Variants in LRRC37A2 observed in about 807,000 individuals in gnomAD.
LRRC37A2 encodes leucine rich repeat containing 37 member A2.
In LRRC37A2, 9 loss-of-function variants were observed where a neutral mutation model predicts 68.8. That is an observed-to-expected ratio of 0.13 (90% CI 0.08 to 0.23). The LOEUF is 0.23. Ranked by LOEUF, LRRC37A2 falls within the 10% of genes least tolerant of loss-of-function variation. LRRC37A2 has a pLI of 1.00. For missense variants in LRRC37A2, 168 were observed against 950.4 expected (o/e 0.18, Z 10.82); for synonymous variants, 63 against 367.6 (o/e 0.17, Z 9.48).
At chr17:46,795,208 A>G in the LRRC37A2 span, among the ~76,000 whole-genome samples, 2 of 151,952 alleles carry the variant, frequency 1.3e-5, no homozygotes, top group African/African-American at 4.8e-5. Context: ...CTGCTCCCCC[A>G]TAAACACCCT....
chr17:46,978,962 C>G, the LRRC37A2 span: 2 of 1,452,512 alleles, frequency 1.4e-6, no homozygotes, highest in Non-Finnish European at 9.0e-7. Context: ...CCGCCCACGC[C>G]GTCCACCTCC....
At chr17:46,944,546 GC>G in the LRRC37A2 span, among the ~76,000 whole-genome samples, 1 of 152,060 alleles carries the variant, frequency 6.6e-6, no homozygotes, top group Non-Finnish European at 1.5e-5. Context: ...TCTGGGCCTC[GC>G]TCCCCAGAGA....
chr17:46,984,836 T>C, the LRRC37A2 span, among the ~76,000 whole-genome samples: 16 of 152,374 alleles, frequency 1.1e-4, no homozygotes, highest in African/African-American at 3.8e-4. Context: ...AGAATGATTT[T>C]ATTTGCATAT....
At chr17:46,839,595 C>CA in the LRRC37A2 span, among the ~76,000 whole-genome samples, 1 of 152,140 alleles carries the variant, frequency 6.6e-6, no homozygotes, top group Admixed American at 6.5e-5. Flanking sequence ...AGGTTTGTTA[C>CA]ATAGGTATAC....
chr17:46,768,590 GA>G, the LRRC37A2 span: 1 of 1,614,176 alleles, frequency 6.2e-7, no homozygotes, highest in South Asian at 1.1e-5. The surrounding 1 kb of genome is among the most constrained non-coding windows in gnomAD (Gnocchi z 5.0). Context: ...TGGGTGGCTT[GA>G]AGAGCGAGTA....
the LRRC37A2 span, chr17:46,726,501 G>C: frequency 6.4e-7 from 1 of 1,551,590 alleles, no homozygotes; most frequent in Non-Finnish European, 8.9e-7. Flanking sequence ...GGAAATTGTC[G>C]TAACTGTGGA....
At chr17:46,962,607 C>A in the LRRC37A2 span, among the ~76,000 whole-genome samples, 1 of 152,198 alleles carries the variant, frequency 6.6e-6, no homozygotes, top group African/African-American at 2.4e-5. Context: ...GGAGAAGCCA[C>A]ATGGAGGAAA....
At chr17:46,992,530 G>A in the LRRC37A2 span, among the ~76,000 whole-genome samples, 1 of 152,250 alleles carries the variant, frequency 6.6e-6, no homozygotes, top group Admixed American at 6.5e-5. Flanking sequence ...TTCCCCAGGG[G>A]TTCTAATGCA....
the LRRC37A2 span, among the ~76,000 whole-genome samples, chr17:47,022,168 C>CTTTTTTTTTTTTT: frequency 5.6e-4 from 11 of 19,708 alleles, 2 homozygotes; most frequent in African/African-American, 8.7e-4. Context: ...TTTTTGTTCT[C>CTTTTTTTTTTTTT]TTTTTTTTTT....
the LRRC37A2 span, among the ~76,000 whole-genome samples, chr17:46,913,138 G>A: frequency 6.6e-6 from 1 of 152,218 alleles, no homozygotes; most frequent in Non-Finnish European, 1.5e-5. Context: ...CAGCAAGAAT[G>A]GCTCCACCGC....
chr17:46,797,968 C>T, the LRRC37A2 span, among the ~76,000 whole-genome samples: 1 of 152,142 alleles, frequency 6.6e-6, no homozygotes, highest in East Asian at 1.9e-4. Flanking sequence ...GAGACAGGGT[C>T]TCCAGGCTGG....
At chr17:46,920,384 C>T in the LRRC37A2 span, among the ~76,000 whole-genome samples, 3 of 152,096 alleles carry the variant, frequency 2.0e-5, no homozygotes, top group Non-Finnish European at 4.4e-5. Flanking sequence ...TTCCTATCTC[C>T]AGTATCTGTG....
the LRRC37A2 span, chr17:46,722,242 T>A: frequency 1.7e-6 from 2 of 1,206,682 alleles, no homozygotes. Flanking sequence ...TCAAAATCCC[T>A]ACATTCTTAA....
the LRRC37A2 span, among the ~76,000 whole-genome samples, chr17:46,891,956 G>C: frequency 8.7e-6 from 1 of 114,718 alleles, no homozygotes; most frequent in East Asian, 2.6e-4. Flanking sequence ...GTCTTGCCCT[G>C]TCACCCAGCC....
At chr17:46,772,600 G>C in the LRRC37A2 span, among the ~76,000 whole-genome samples, 1 of 152,238 alleles carries the variant, frequency 6.6e-6, no homozygotes, top group Admixed American at 6.5e-5. Context: ...GGAATAATTA[G>C]TTTTGGCAAT....
At chr17:46,770,842 T>G in the LRRC37A2 span, among the ~76,000 whole-genome samples, 3 of 152,328 alleles carry the variant, frequency 2.0e-5, no homozygotes, top group African/African-American at 4.8e-5. Context: ...TTCATTCACA[T>G]GGAAAGTTTT....
the LRRC37A2 span, among the ~76,000 whole-genome samples, chr17:46,858,752 G>T: frequency 6.6e-6 from 1 of 152,026 alleles, no homozygotes; most frequent in Admixed American, 6.6e-5. Context: ...CTACAGCCTC[G>T]ACCTTCTGGA....
chr17:46,795,692 G>A, the LRRC37A2 span, among the ~76,000 whole-genome samples: 7 of 152,294 alleles, frequency 4.6e-5, no homozygotes, highest in South Asian at 4.1e-4. Flanking sequence ...GCTGTTCTGC[G>A]GCACTGCTGA....
the LRRC37A2 span, among the ~76,000 whole-genome samples, chr17:46,860,026 G>A: frequency 0.025 from 3,739 of 152,278 alleles, 156 homozygotes; most frequent in African/African-American, 0.086. Context: ...TGGAGGGAAG[G>A]AAAGGTAAAA....
Sources: gnomAD v4.1 joint callset for allele counts (sites outside exome capture counted in the v4.1 genomes callset) on GRCh38, gnomAD v4.1.1 for gene constraint, Gnocchi (gnomAD v3.1) non-coding constraint, MANE v1.5 for transcripts, NCBI Gene and HGNC (gene_info 2026-07-23, HGNC 2026-07-21) for gene names.